The following PIGU variants were observed in gnomAD, a reference collection of about 807,000 sequenced individuals.
PIGU encodes the protein GPI-anchor transamidase component PIGU.
Under a neutral mutation model 49.9 loss-of-function variants are expected in PIGU, and 24 were observed. That is an observed-to-expected ratio of 0.48 (90% CI 0.35 to 0.68). The LOEUF (loss-of-function observed/expected upper bound fraction) is 0.68, where lower values mean the gene tolerates loss of function less well. PIGU is among the 30% of genes least tolerant of loss of function. The pLI is 0.01. For missense variants in PIGU, 490 were observed against 532.6 expected (o/e 0.92, Z 0.79); for synonymous variants, 220 against 205.7 (o/e 1.07, Z -0.59).
At chr20:34,662,379 C>T (rs980280251) in intron 1 of PIGU, among the ~76,000 whole-genome samples, 2 of 149,976 alleles carry the variant, frequency 1.3e-5, no homozygotes, top group African/African-American at 4.9e-5. Flanking sequence ...TATGAGCCAC[C>T]ATGCCCAGCC....
intron 7 of PIGU, among the ~76,000 whole-genome samples, chr20:34,613,422 G>C (rs982224022): frequency 6.6e-6 from 1 of 152,174 alleles, no homozygotes; most frequent in Non-Finnish European, 1.5e-5. Context: ...ACTAGTGTCA[G>C]GAGGAAATTT....
intron 1 of PIGU, among the ~76,000 whole-genome samples, chr20:34,667,526 G>A (rs539452455): frequency 2.8e-3 from 419 of 151,698 alleles, no homozygotes; most frequent in African/African-American, 9.6e-3. Context: ...GGGTCAAGAT[G>A]AAAGCGGTCC....
chr20:34,567,427 G>A (rs191511913), intron 11 of PIGU, among the ~76,000 whole-genome samples: 2 of 152,198 alleles, frequency 1.3e-5, no homozygotes, highest in Admixed American at 6.5e-5. Context: ...TCCCTTACAT[G>A]GCACTTTTCA....
At chr20:34,572,753 G>A (rs1168749829) in intron 11 of PIGU, among the ~76,000 whole-genome samples, 3 of 152,178 alleles carry the variant, frequency 2.0e-5, no homozygotes, top group Non-Finnish European at 2.9e-5. Flanking sequence ...TGTTACAGAG[G>A]TATTAAAAAA....
At chr20:34,594,144 T>C (rs1219756238) in intron 7 of PIGU, among the ~76,000 whole-genome samples, 1 of 152,240 alleles carries the variant, frequency 6.6e-6, no homozygotes, top group Non-Finnish European at 1.5e-5. Context: ...GCCACTGCAC[T>C]CCAGCCTGGG....
chr20:34,657,304 T>C (rs1986733698), intron 1 of PIGU, 60 bp from the exon 2 acceptor site: 3 of 1,275,770 alleles, frequency 2.4e-6, no homozygotes, highest in Non-Finnish European at 3.4e-6. Flanking sequence ...ACCAAATTGT[T>C]AGATACCCCC....
At chr20:34,566,014 G>A (rs538139660) in intron 11 of PIGU, among the ~76,000 whole-genome samples, 1 of 146,492 alleles carries the variant, frequency 6.8e-6, no homozygotes, top group African/African-American at 2.5e-5. Context: ...AGACACACAT[G>A]CTCACACACA....
intron 11 of PIGU, among the ~76,000 whole-genome samples, chr20:34,568,110 T>C (rs1982852550): frequency 6.6e-6 from 1 of 152,144 alleles, no homozygotes; most frequent in South Asian, 2.1e-4. Flanking sequence ...AATAAATAAA[T>C]TAGCTTCCCA....
intron 11 of PIGU, among the ~76,000 whole-genome samples, chr20:34,569,510 C>A (rs2146694029): frequency 6.6e-6 from 1 of 152,258 alleles, no homozygotes; most frequent in South Asian, 2.1e-4. Context: ...GGATTACAGG[C>A]ACGAGCTACT....
At position 34,560,979 on chromosome 20, in the gene PIGU, T is replaced by A; in HGVS notation, c.1195A>T (p.Ile399Phe). Reference protein sequence around the residue: ...AITLTFNVGQILLISDYFYAF... With the variant: ...AITLTFNVGQFLLISDYFYAF... ...TAGAAGTAATCAGAGATGAGCAGGA[T>A]CTGGGGGGAGAGAGAGGGTGTGAGG... is the stretch of plus-strand genomic sequence containing the variant. The change falls in exon 12 of 12, where the codon ATC becomes TTC. Residue 399 changes from isoleucine (I) to phenylalanine (F), a missense_variant and splice_region_variant. Coordinates refer to ENST00000217446, the MANE Select transcript of PIGU (RefSeq NM_080476.5). 3 of 1,597,730 alleles carry A rather than the reference T, an allele frequency of 1.9e-6. No homozygotes were observed. The highest frequency in any genetic ancestry group is 2.6e-6 in the Non-Finnish European group (3 of 1,165,996).
intron 7 of PIGU, among the ~76,000 whole-genome samples, chr20:34,596,874 A>G (rs563819293): frequency 6.6e-6 from 1 of 152,338 alleles, no homozygotes; most frequent in Non-Finnish European, 1.5e-5. Flanking sequence ...TTTTAAAGAT[A>G]TCTTATTAGT....
chr20:34,578,642 T>C (rs1034414314), intron 10 of PIGU, among the ~76,000 whole-genome samples: 1 of 152,116 alleles, frequency 6.6e-6, no homozygotes, highest in Admixed American at 6.5e-5. Context: ...AAAGATACAT[T>C]CCCATGCGGC....
At chr20:34,569,872 G>A (rs950029800) in intron 11 of PIGU, among the ~76,000 whole-genome samples, 7 of 152,168 alleles carry the variant, frequency 4.6e-5, no homozygotes, top group Non-Finnish European at 1.0e-4. Flanking sequence ...CCCAGGGCTC[G>A]CCCTAATGGA....
chr20:34,575,732 A>T (rs1045233111), intron 10 of PIGU, among the ~76,000 whole-genome samples: 12 of 152,128 alleles, frequency 7.9e-5, no homozygotes, highest in African/African-American at 2.9e-4. Context: ...CACGTTTTCC[A>T]TTCTCCTTAA....
chr20:34,567,579 C>T (rs1982825446), intron 11 of PIGU, among the ~76,000 whole-genome samples: 1 of 97,790 alleles, frequency 1.0e-5, no homozygotes, highest in South Asian at 2.9e-4. Flanking sequence ...ACACCTCTTA[C>T]CTCTGCTCTT....
At chr20:34,636,037 A>T (rs1248814754) in intron 5 of PIGU, among the ~76,000 whole-genome samples, 1 of 151,030 alleles carries the variant, frequency 6.6e-6, no homozygotes, top group Non-Finnish European at 1.5e-5. Flanking sequence ...CTAAAAAAAA[A>T]ACATAAAAAA....
intron 3 of PIGU, 65 bp downstream of exon 3, chr20:34,645,210 G>C: frequency 7.3e-7 from 1 of 1,362,316 alleles, no homozygotes; most frequent in Non-Finnish European, 9.7e-7. Context: ...AAAAGAGAGA[G>C]AGAGACAATA....
chr20:34,676,829 A>C, intron 1 of PIGU, 127 bp downstream of exon 1: 1 of 1,348,890 alleles, frequency 7.4e-7, no homozygotes, highest in Admixed American at 2.0e-5. Context: ...CTCTCCAAGA[A>C]CCCCACGAGA....
At chr20:34,633,966 A>T (rs1399278207) in intron 6 of PIGU, among the ~76,000 whole-genome samples, 1 of 152,226 alleles carries the variant, frequency 6.6e-6, no homozygotes, top group Non-Finnish European at 1.5e-5. Flanking sequence ...TTATTTAGAA[A>T]TATGGAATAC....
Sources: gnomAD v4.1 joint callset for allele counts (sites outside exome capture counted in the v4.1 genomes callset) on GRCh38, gnomAD v4.1.1 for gene constraint, MANE v1.5 for transcripts, NCBI Gene and HGNC (gene_info 2026-07-23, HGNC 2026-07-21) for gene names.